KAZN: variants seen among roughly 807,000 people sequenced by gnomAD.
KAZN encodes kazrin.
KAZN carries 40 observed loss-of-function variants against 87.4 expected under a neutral mutation model. That is an observed-to-expected ratio of 0.46 (90% CI 0.36 to 0.60). The LOEUF (loss-of-function observed/expected upper bound fraction) is 0.60, where lower values mean the gene tolerates loss of function less well. Among genes scored for constraint, KAZN ranks in the 20% least tolerant of loss-of-function variants. The pLI, the probability that KAZN is intolerant of heterozygous loss-of-function variation, is 0.00. For synonymous variants in KAZN, 466 were observed against 458.3 expected (o/e 1.02, Z -0.22); for missense variants, 898 against 1,073.9 (o/e 0.84, Z 2.29).
rs544118421 is a variant in KAZN, at chr1:14,063,377, T to C, written c.92-117058T>C. Among the ~76,000 whole-genome samples, 33 of 152,314 alleles carry C rather than the reference T, an allele frequency of 2.2e-4. No homozygotes were observed. In the South Asian group the frequency reaches 2.3e-3, roughly 11 times the overall value. On this transcript the variant is annotated intron_variant, in intron 1 of 16. Transcript: ENST00000636203. ...GTGTAACTACCTTCCTAGCTAGCTG[T>C]GTTGCCTGTTAAGAGACTTTCAGCC...
chr1:14,500,103 A>G (rs562385548), intron 2 of KAZN, among the ~76,000 whole-genome samples: 18 of 152,192 alleles, frequency 1.2e-4, no homozygotes, highest in African/African-American at 4.3e-4. Context: ...ACTTTCTATG[A>G]AAGAGAAGGC....
chr1:14,043,082 A>G (rs932091395), intron 1 of KAZN, among the ~76,000 whole-genome samples: 8 of 152,196 alleles, frequency 5.3e-5, no homozygotes, highest in African/African-American at 1.7e-4. Context: ...TTCAATCCCC[A>G]CCCAGTCCTT....
chr1:13,999,888 A>G (rs1472425972), intron 1 of KAZN, among the ~76,000 whole-genome samples: 2 of 152,212 alleles, frequency 1.3e-5, no homozygotes, highest in East Asian at 3.8e-4. Context: ...CCACAGAAAT[A>G]CAAACTAGCA....
chr1:14,974,123 A>T (rs1665369331), intron 2 of KAZN, among the ~76,000 whole-genome samples: 1 of 151,980 alleles, frequency 6.6e-6, no homozygotes, highest in African/African-American at 2.4e-5. Flanking sequence ...TCAGCATAGT[A>T]GTCAGACTTT....
intron 1 of KAZN, among the ~76,000 whole-genome samples, chr1:14,706,813 TGACA>T (rs1572272836): frequency 6.6e-6 from 1 of 152,162 alleles, no homozygotes; most frequent in East Asian, 1.9e-4. Flanking sequence ...GCTGCCTGAC[TGACA>T]AAGGAAACCC....
chr1:15,103,382 C>T lies in KAZN; in HGVS notation c.1803C>T (p.Arg601=), dbSNP rs1292535449. 1 of 1,551,864 alleles carries T rather than the reference C, an allele frequency of 6.4e-7. No individual in the cohort carries two copies. ...SREALQERRA[R]CETQNIDPVV... ...AGGCCCTCCAGGAGCGCCGGGCCCG[C>T]TGCGAGACGCAGAACATTGACCCCG... is the stretch of plus-strand genomic sequence containing the variant. Residue 601 remains arginine, a synonymous_variant, in exon 12 of 15, where the codon CGC becomes CGT. Transcript: ENST00000376030.
At chr1:14,028,765 T>C (rs1189233707) in intron 1 of KAZN, among the ~76,000 whole-genome samples, 1 of 152,218 alleles carries the variant, frequency 6.6e-6, no homozygotes, top group African/African-American at 2.4e-5. Flanking sequence ...AGAAAGATGA[T>C]TTCCAATTTC....
chr1:14,409,929 T>G (rs1664168324), intron 2 of KAZN, among the ~76,000 whole-genome samples: 1 of 152,156 alleles, frequency 6.6e-6, no homozygotes, highest in African/African-American at 2.4e-5. Context: ...ATTTCTAGAT[T>G]AAAAGTCATA....
At chr1:14,305,473 G>A (rs761899907) in intron 2 of KAZN, among the ~76,000 whole-genome samples, 7 of 152,004 alleles carry the variant, frequency 4.6e-5, no homozygotes, top group Non-Finnish European at 8.8e-5. Context: ...AAGCAAATAC[G>A]ATCCTGCAGT....
intron 1 of KAZN, among the ~76,000 whole-genome samples, chr1:13,958,342 G>A (rs935619388): frequency 1.3e-5 from 2 of 152,098 alleles, no homozygotes; most frequent in African/African-American, 2.4e-5. Context: ...AGGCCGAGGC[G>A]GGCGGATCAC....
intron 2 of KAZN, among the ~76,000 whole-genome samples, chr1:14,588,686 T>A (rs1676002302): frequency 6.6e-6 from 1 of 152,244 alleles, no homozygotes. Context: ...CACTTTGGTC[T>A]GATGCCTCCT....
At chr1:14,095,528 T>C (rs763547974) in intron 1 of KAZN, among the ~76,000 whole-genome samples, 6 of 152,212 alleles carry the variant, frequency 3.9e-5, no homozygotes, top group Non-Finnish European at 7.3e-5. Context: ...TACTCCACAA[T>C]GTCTGGGGAT....
rs537069737 is a variant in KAZN at position 14,059,387 on chromosome 1, T to G, written c.92-121048T>G. On this transcript the variant is annotated intron_variant, in intron 1 of 16. Transcript: ENST00000636203. ...TCCCAGAGTCCAGAGGCCAAAGAAC[T>G]TGGAGTCTGATGTCTAAGAACAAGA... Among the ~76,000 whole-genome samples, 8 of 152,264 alleles carry G rather than the reference T, an allele frequency of 5.3e-5. No individual in the cohort carries two copies. In the South Asian group the frequency reaches 1.7e-3, roughly 32 times the overall value.
chr1:14,384,342 C>T (rs1262699751), intron 2 of KAZN, among the ~76,000 whole-genome samples: 2 of 152,064 alleles, frequency 1.3e-5, no homozygotes, highest in African/African-American at 4.8e-5. Context: ...GCCAGAACTT[C>T]CAACACTATG....
chr1:14,299,348 C>CA (rs1376202852), intron 2 of KAZN, among the ~76,000 whole-genome samples: 1 of 151,960 alleles, frequency 6.6e-6, no homozygotes, highest in Non-Finnish European at 1.5e-5. Context: ...ACTAAAAATA[C>CA]AAAAATTAGC....
intron 1 of KAZN, among the ~76,000 whole-genome samples, chr1:14,745,846 C>T (rs1229125122): frequency 6.6e-6 from 1 of 152,142 alleles, no homozygotes; most frequent in Non-Finnish European, 1.5e-5. Flanking sequence ...TGATTTGGCA[C>T]TGCTATATTT....
chr1:14,222,360 C>G (rs1647122404), intron 2 of KAZN, among the ~76,000 whole-genome samples: 1 of 152,192 alleles, frequency 6.6e-6, no homozygotes, highest in South Asian at 2.1e-4. Flanking sequence ...TCTTTCCACT[C>G]TCCCCTCTCT....
chr1:14,699,198 C>T (rs1641785041), intron 1 of KAZN, among the ~76,000 whole-genome samples: 1 of 152,224 alleles, frequency 6.6e-6, no homozygotes, highest in African/African-American at 2.4e-5. Flanking sequence ...TTAGCTGGCT[C>T]CTGGGAGAGC....
At chr1:14,140,107 C>G (rs1332045272) in intron 1 of KAZN, among the ~76,000 whole-genome samples, 1 of 152,012 alleles carries the variant, frequency 6.6e-6, no homozygotes, top group Non-Finnish European at 1.5e-5. Context: ...GTGTCAAACC[C>G]AACTCTCTTT....
Sources: gnomAD v4.1 joint callset for allele counts (sites outside exome capture counted in the v4.1 genomes callset) on GRCh38, gnomAD v4.1.1 for gene constraint, MANE v1.5 for transcripts, NCBI Gene and HGNC (gene_info 2026-07-23, HGNC 2026-07-21) for gene names.